Variants in NCAPD2 observed in about 807,000 individuals in gnomAD.
The protein encoded by NCAPD2 is condensin complex subunit 1.
In NCAPD2, 100 loss-of-function variants were observed where a neutral mutation model predicts 164.5. That is an observed-to-expected ratio of 0.61 (90% confidence interval 0.52 to 0.72). The LOEUF (loss-of-function observed/expected upper bound fraction) is 0.72, where lower values mean the gene tolerates loss of function less well. NCAPD2 is among the 30% of genes least tolerant of loss of function. The pLI, the probability that NCAPD2 is intolerant of heterozygous loss-of-function variation, is 0.00. For synonymous variants in NCAPD2, 585 were observed against 642.6 expected (o/e 0.91, Z 1.36); for missense variants, 1,560 against 1,749.2 (o/e 0.89, Z 1.93).
At chr12:6,497,292 T>A (rs1471096105) in intron 2 of NCAPD2, among the ~76,000 whole-genome samples, 2 of 72,176 alleles carry the variant, frequency 2.8e-5, no homozygotes, top group Non-Finnish European at 5.0e-5. Context: ...TTTTTTTAAA[T>A]GGTCACCTTT....
intron 2 of NCAPD2, among the ~76,000 whole-genome samples, chr12:6,499,190 C>T (rs1946011486): frequency 6.6e-6 from 1 of 151,972 alleles, no homozygotes; most frequent in Non-Finnish European, 1.5e-5. Flanking sequence ...AATTGTGTAT[C>T]TCTGGAATAT....
At position 6,531,100 on chromosome 12, in the gene NCAPD2, G is replaced by T; in HGVS notation, c.4120+24G>T. 6.2e-7 allele frequency: 1 copy of T among 1,612,018 alleles called. No individual in the cohort carries two copies. Among genetic ancestry groups the T allele is most frequent in the Non-Finnish European group, 8.5e-7 (1 of 1,179,756 alleles). On this transcript the variant is annotated intron_variant, in intron 31 of 31. Coordinates refer to ENST00000315579, the MANE Select transcript of NCAPD2 (RefSeq NM_014865.4). This position sits in a 1 kb window ranked among gnomAD's most constrained non-coding sequence, Gnocchi z 4.1. ...AGGTATGATGCTCCCGCCTGTTCCC[G>T]GCCGAGAAGGCACACAGCTAGGGTG...
intron 2 of NCAPD2, among the ~76,000 whole-genome samples, chr12:6,499,720 T>C (rs1946017643): frequency 3.9e-5 from 6 of 152,194 alleles, no homozygotes; most frequent in Admixed American, 3.9e-4. Flanking sequence ...TTTAATATTT[T>C]CAGACTTGAG....
In NCAPD2 at chr12:6,528,760, G is replaced by A. The variant is rs148793704; in HGVS notation, c.3381G>A (p.Val1127=). 1.9e-6 allele frequency: 3 copies of A among 1,614,034 alleles called. No homozygotes were observed. The highest frequency in any genetic ancestry group is 1.3e-5 in the African/African-American group (1 of 74,920). The change falls in exon 26 of 32, where the codon GTG becomes GTA. Residue 1127 remains valine (V), a synonymous_variant. Transcript: ENST00000315579. This position sits in a 1 kb window ranked among gnomAD's most constrained non-coding sequence, Gnocchi z 5.1. Reference sequence around the variant, plus strand: ...TGATCCTCAAGGACATGGTGAAGGTGAAGGGGCAGGTCAGCGAGATGGCGG... The same window carrying A: ...TGATCCTCAAGGACATGGTGAAGGTAAAGGGGCAGGTCAGCGAGATGGCGG... ...THLILKDMVK[V]KGQVSEMAVL...
intron 17 of NCAPD2, among the ~76,000 whole-genome samples, chr12:6,523,938 G>A (rs540176961): frequency 6.6e-6 from 1 of 152,302 alleles, no homozygotes; most frequent in Admixed American, 6.5e-5. Context: ...TTGAATATAT[G>A]ACAGGCACTC....
chr12:6,513,155 T>A (rs1946166856), intron 6 of NCAPD2, among the ~76,000 whole-genome samples: 1 of 152,172 alleles, frequency 6.6e-6, no homozygotes, highest in Non-Finnish European at 1.5e-5. Flanking sequence ...ATAATAGTAT[T>A]CAGAGCCGTG....
Position 6,525,677 on chromosome 12 carries a change from A to AGCGCTGTTCCTCTGTC in NCAPD2, c.2310_2325dup (p.Met776AlafsTer33), listed in dbSNP as rs1385992568. On this transcript the variant is annotated frameshift_variant, in exon 18 of 32. Coordinates refer to ENST00000315579, the MANE Select transcript of NCAPD2 (RefSeq NM_014865.4). LOFTEE classifies it high-confidence loss of function. Reference sequence around the variant, plus strand: ...GAGAAGGTCGCCTGCTGTCCTCTGGAGCGCTGTTCCTCTGTCATGCTTCTT... The same window carrying AGCGCTGTTCCTCTGTC: ...GAGAAGGTCGCCTGCTGTCCTCTGGAGCGCTGTTCCTCTGTCGCGCTGTTCCTCTGTCATGCTTCTT... 6.2e-7 allele frequency: 1 copy of AGCGCTGTTCCTCTGTC among 1,613,712 alleles called. No homozygotes were observed. The highest frequency in any genetic ancestry group is 1.1e-5 in the South Asian group (1 of 91,072).
chr12:6,525,809 C>T, intron 18 of NCAPD2, 93 bp downstream of exon 18: 5 of 1,510,794 alleles, frequency 3.3e-6, no homozygotes, highest in Non-Finnish European at 4.5e-6. Flanking sequence ...CACAGTGAGG[C>T]CCAACTGAGC....
rs1299846211 is a variant in NCAPD2, at chr12:6,530,683, C to T, written c.3838-8C>T. On this transcript the variant is annotated splice_region_variant and splice_polypyrimidine_tract_variant and intron_variant, in intron 29 of 31. Coordinates refer to ENST00000315579, the MANE Select transcript of NCAPD2 (RefSeq NM_014865.4). ...AGGCCTGCTCTGAATCTCCTTTTCT[C>T]CCTCCAGGCTATAATAGATGAATTT... 3 of 1,613,920 alleles carry T rather than the reference C, an allele frequency of 1.9e-6. No homozygotes were observed. The highest frequency in any genetic ancestry group is 8.5e-7 in the Non-Finnish European group (1 of 1,179,974).
chr12:6,506,878 C>G (rs1045577853), intron 2 of NCAPD2, among the ~76,000 whole-genome samples: 1 of 151,958 alleles, frequency 6.6e-6, no homozygotes, highest in African/African-American at 2.4e-5. Flanking sequence ...AGTATATTTA[C>G]TGAAAAAAAT....
At chr12:6,522,377 A>T (rs1393543661) in intron 15 of NCAPD2, among the ~76,000 whole-genome samples, 10 of 152,100 alleles carry the variant, frequency 6.6e-5, no homozygotes, top group African/African-American at 2.2e-4. Context: ...GGTTGAGGCC[A>T]GGAGTTCGAG....
chr12:6,499,450 A>G (rs1380059865), intron 2 of NCAPD2, among the ~76,000 whole-genome samples: 1 of 151,928 alleles, frequency 6.6e-6, no homozygotes, highest in Non-Finnish European at 1.5e-5. Flanking sequence ...TGCAGTGGCA[A>G]GGTATCGGCT....
chr12:6,528,776 G>A lies in NCAPD2; in HGVS notation c.3397G>A (p.Glu1133Lys), dbSNP rs753592881. Residue 1133 changes from glutamate to lysine, a missense_variant, in exon 26 of 32, where the codon GAG becomes AAG. Glu to Lys is a moderately conservative substitution (Grantham distance 56). Transcript: ENST00000315579. This position sits in a 1 kb window ranked among gnomAD's most constrained non-coding sequence, Gnocchi z 5.1. ...DMVKVKGQVSEMAVLLIDPEP... is the reference protein window; with the variant it reads ...DMVKVKGQVSKMAVLLIDPEP... ...GGTGAAGGTGAAGGGGCAGGTCAGC[G>A]AGATGGCGGTGCTGCTCATCGACCC... is the stretch of plus-strand genomic sequence containing the variant. 50 of 1,614,022 alleles carry A rather than the reference G, an allele frequency of 3.1e-5. No homozygotes were observed. The highest frequency in any genetic ancestry group is 3.8e-5 in the Non-Finnish European group (45 of 1,180,028).
intron 17 of NCAPD2, among the ~76,000 whole-genome samples, chr12:6,524,812 C>T (rs1414417038): frequency 6.6e-6 from 1 of 152,194 alleles, no homozygotes. Context: ...GTAGCATTTG[C>T]ATTGCGGGCA....
intron 14 of NCAPD2, 59 bp downstream of exon 14, chr12:6,521,169 A>ATTAACTTTATGCCATCATTGGCCTGG: frequency 6.3e-7 from 1 of 1,586,042 alleles, no homozygotes; most frequent in East Asian, 2.2e-5. Context: ...TTTACTGAGC[A>ATTAACTTTATGCCATCATTGGCCTGG]TTAACTTTAT....
intron 27 of NCAPD2, chr12:6,529,259 C>T: frequency 1.6e-6 from 1 of 611,228 alleles, no homozygotes. Context: ...AACATGGTGG[C>T]AGACATACAG....
At chr12:6,523,630 C>T (rs1946288985) in intron 17 of NCAPD2, among the ~76,000 whole-genome samples, 1 of 152,172 alleles carries the variant, frequency 6.6e-6, no homozygotes, top group African/African-American at 2.4e-5. Context: ...AACCCTTGAC[C>T]TCGTGATCCA....
chr12:6,518,542 A>G (rs1227018149), intron 13 of NCAPD2, among the ~76,000 whole-genome samples: 2 of 12,890 alleles, frequency 1.6e-4, no homozygotes, highest in Admixed American at 2.7e-3. Flanking sequence ...TTTGAGATGG[A>G]GTCTCACTCA....
intron 2 of NCAPD2, among the ~76,000 whole-genome samples, chr12:6,504,212 T>TATATATATATAG (rs1946075081): frequency 9.2e-5 from 2 of 21,738 alleles, no homozygotes; most frequent in Non-Finnish European, 1.5e-4. Flanking sequence ...TATATATATA[T>TATATATATATAG]ATATAGATAT....
Sources: allele counts gnomAD v4.1 joint callset (sites outside exome capture counted in the v4.1 genomes callset), GRCh38; gene constraint gnomAD v4.1.1; non-coding constraint Gnocchi (gnomAD v3.1); transcripts MANE v1.5; gene names NCBI Gene and HGNC (gene_info 2026-07-23, HGNC 2026-07-21).